Variants in FBLIM1 observed in about 807,000 individuals in gnomAD.
FBLIM1 encodes filamin-binding LIM protein 1.
In FBLIM1, 29 loss-of-function variants were observed where a neutral mutation model predicts 37.4. That is an observed-to-expected ratio of 0.77 (90% CI 0.58 to 1.06). The LOEUF (loss-of-function observed/expected upper bound fraction) is 1.06. FBLIM1 is among the 50% of genes least tolerant of loss of function. The pLI, the probability that FBLIM1 is intolerant of heterozygous loss-of-function variation, is 0.00. For missense variants in FBLIM1, 449 were observed against 505.6 expected (o/e 0.89, Z 1.07); for synonymous variants, 193 against 199.0 (o/e 0.97, Z 0.25).
At chr1:15,763,631 G>A (rs542049875) in intron 1 of FBLIM1, among the ~76,000 whole-genome samples, 49 of 151,436 alleles carry the variant, frequency 3.2e-4, no homozygotes, top group African/African-American at 1.1e-3. Flanking sequence ...GCAAGATTCC[G>A]TCTCAAAAAA....
Position 15,765,277 on chromosome 1 carries a change from A to G in FBLIM1, c.250+44A>G. 3 of 1,563,600 alleles carry G rather than the reference A, an allele frequency of 1.9e-6. No individual in the cohort carries two copies. Among genetic ancestry groups the G allele is most frequent in the Non-Finnish European group, 1.7e-6 (2 of 1,152,874 alleles). On this transcript the variant is annotated intron_variant, in intron 3 of 8. Transcript: ENST00000375766. The surrounding 1 kb of genome is among the most constrained non-coding windows in gnomAD (Gnocchi z 5.9). ...TTGGGGAAGACCACGTCAGAGGCAGAGGTGGGGAGGAAAGGGCAGGCTCCA... is the reference window on the plus strand; with the variant it reads ...TTGGGGAAGACCACGTCAGAGGCAGGGGTGGGGAGGAAAGGGCAGGCTCCA...
intron 1 of FBLIM1, among the ~76,000 whole-genome samples, chr1:15,762,553 G>A (rs939376244): frequency 6.6e-6 from 1 of 151,882 alleles, no homozygotes; most frequent in Non-Finnish European, 1.5e-5. Context: ...AAGCCTCCAC[G>A]CCAGGCCAAA....
rs968321509 is a variant in FBLIM1 at position 15,763,505 on chromosome 1, G to A, written c.-210-991G>A. Among the ~76,000 whole-genome samples the A allele has an allele frequency of 4.0e-5, 6 of 150,790 alleles. No individual in the cohort carries two copies. In the East Asian group the frequency reaches 1.1e-3, roughly 27 times the overall value. The stretch of plus-strand genomic sequence containing the variant: ...AACAAAATTAGCCGGGCGTGGTGGC[G>A]GGCACCTGTAGTCCCAGCTACTCGG... On this transcript the variant is annotated intron_variant, in intron 1 of 8. Coordinates refer to ENST00000375766, the MANE Select transcript of FBLIM1 (RefSeq NM_017556.4).
At chr1:15,777,366 C>A in intron 8 of FBLIM1, 79 bp downstream of exon 8, 2 of 1,025,998 alleles carry the variant, frequency 1.9e-6, no homozygotes, top group Non-Finnish European at 1.5e-6. Context: ...GACATGGGGA[C>A]AGGTCAGGGT....
At chr1:15,777,444 A>C (rs2069525441) in intron 8 of FBLIM1, among the ~76,000 whole-genome samples, 157 bp downstream of exon 8, 2 of 152,086 alleles carry the variant, frequency 1.3e-5, no homozygotes, top group African/African-American at 4.8e-5. Flanking sequence ...ATGCAACCAT[A>C]GTCTATTATC....
chr1:15,762,029 A>G (rs1178114851), intron 1 of FBLIM1, among the ~76,000 whole-genome samples: 1 of 152,012 alleles, frequency 6.6e-6, no homozygotes, highest in African/African-American at 2.4e-5. Flanking sequence ...GAGATGGGAA[A>G]TAATGTCCTT....
In FBLIM1 at chr1:15,785,747, G is replaced by A. The variant is rs188363971; in HGVS notation, c.*1086G>A. The A allele has an allele frequency of 5.2e-5, 8 of 152,394 alleles. No individual in the cohort carries two copies. Among genetic ancestry groups the A allele is most frequent in the Non-Finnish European group, 1.2e-4 (8 of 68,046 alleles). The allele number at this position is 152,394 out of a possible 1,614,324, so 9.4% of individuals were successfully genotyped here. A position where few individuals can be genotyped will look rare whatever the true frequency, so the allele number is the denominator to read the frequency against. Reference sequence around the variant, plus strand: ...CACCCCCTTGGTTCGCACATGTACAGGAATGGGACCCAGTTGGGGCACAGC... The same window carrying A: ...CACCCCCTTGGTTCGCACATGTACAAGAATGGGACCCAGTTGGGGCACAGC... On this transcript the variant is annotated 3_prime_UTR_variant, in exon 9 of 9. Coordinates refer to ENST00000375766, the MANE Select transcript of FBLIM1 (RefSeq NM_017556.4).
chr1:15,784,978 T>A lies in FBLIM1; in HGVS notation c.*317T>A. On this transcript the variant is annotated 3_prime_UTR_variant, in exon 9 of 9. Coordinates refer to ENST00000375766, the MANE Select transcript of FBLIM1 (RefSeq NM_017556.4). ...CTGACTAGCTGTCTGGTAGGGGTGC[T>A]AGGACCAGCCTCGCCTGTGGGGTTG... 1 of 257,922 alleles carries A rather than the reference T, an allele frequency of 3.9e-6. No individual in the cohort carries two copies. Among genetic ancestry groups the A allele is most frequent in the Non-Finnish European group, 7.5e-6 (1 of 133,108 alleles). 16.0% of individuals were successfully genotyped at this position (257,922 alleles called of 1,614,324 possible). A position where few individuals can be genotyped will look rare whatever the true frequency, so the allele number is the denominator to read the frequency against.
At chr1:15,768,910 C>T (rs748238267) in intron 5 of FBLIM1, among the ~76,000 whole-genome samples, 9 of 152,170 alleles carry the variant, frequency 5.9e-5, no homozygotes, top group Non-Finnish European at 1.3e-4. Flanking sequence ...ACCTAATGCC[C>T]TCACACAGTG....
chr1:15,774,828 G>A (rs72880708), intron 7 of FBLIM1, 32 bp downstream of exon 7: 3 of 1,613,988 alleles, frequency 1.9e-6, no homozygotes, highest in African/African-American at 1.3e-5. Flanking sequence ...TGGGTGGGGT[G>A]CAGGGACAGG....
At chr1:15,778,995 C>A (rs1329382092) in intron 8 of FBLIM1, among the ~76,000 whole-genome samples, 1 of 151,442 alleles carries the variant, frequency 6.6e-6, no homozygotes, top group African/African-American at 2.4e-5. Flanking sequence ...AGTGCAGTGG[C>A]ATGATCTTGG....
chr1:15,761,723 T>C (rs1157133075), intron 1 of FBLIM1, among the ~76,000 whole-genome samples: 2 of 152,196 alleles, frequency 1.3e-5, no homozygotes, highest in Admixed American at 1.3e-4. Flanking sequence ...TCAGAATAGA[T>C]ATTTTATTGT....
At chr1:15,764,868 CCTGT>C in intron 2 of FBLIM1, 92 bp from the exon 3 acceptor site, 11 of 1,415,774 alleles carry the variant, frequency 7.8e-6, no homozygotes, top group Non-Finnish European at 1.0e-5. Context: ...GGGTGGCTGG[CCTGT>C]CTTTTTGGGA....
chr1:15,773,308 G>A (rs1321070096), intron 6 of FBLIM1, among the ~76,000 whole-genome samples: 2 of 151,406 alleles, frequency 1.3e-5, no homozygotes, highest in Admixed American at 6.6e-5. Flanking sequence ...ACTTGAACCC[G>A]GGAGGCAGAG....
intron 8 of FBLIM1, among the ~76,000 whole-genome samples, chr1:15,781,453 C>T (rs2148656712): frequency 6.8e-6 from 1 of 147,710 alleles, no homozygotes; most frequent in Admixed American, 6.9e-5. Context: ...GCAGAGGTTG[C>T]AGTGAGCAGA....
At chr1:15,771,905 A>G (rs560852303) in intron 6 of FBLIM1, among the ~76,000 whole-genome samples, 1 of 151,356 alleles carries the variant, frequency 6.6e-6, no homozygotes, top group African/African-American at 2.4e-5. Flanking sequence ...TCTTGCCACT[A>G]TCTCCCCTAG....
At position 15,765,524 on chromosome 1, in the gene FBLIM1, A is replaced by T. The variant is rs1371245530; in HGVS notation, c.250+291A>T. ...GGGAAGGGCTGTCCTGTCACTGGTC[A>T]GCATGGCTGGCTGGCCGTTTCGTCT... On this transcript the variant is annotated intron_variant, in intron 3 of 8. Coordinates refer to ENST00000375766, the MANE Select transcript of FBLIM1 (RefSeq NM_017556.4). The surrounding 1 kb of genome is among the most constrained non-coding windows in gnomAD (Gnocchi z 5.9). Among the ~76,000 whole-genome samples, 4 of 152,002 alleles carry T rather than the reference A, an allele frequency of 2.6e-5. No homozygotes were observed. Among genetic ancestry groups the T allele is most frequent in the Non-Finnish European group, 4.4e-5 (3 of 67,996 alleles).
intron 6 of FBLIM1, among the ~76,000 whole-genome samples, chr1:15,773,596 C>T (rs1445964932): frequency 6.7e-6 from 1 of 148,876 alleles, no homozygotes; most frequent in Non-Finnish European, 1.5e-5. Flanking sequence ...AGGAGAATTG[C>T]TTTAACCCGG....
intron 6 of FBLIM1, 133 bp downstream of exon 6, chr1:15,770,711 C>A: frequency 8.7e-7 from 1 of 1,143,316 alleles, no homozygotes. Flanking sequence ...GAAACTGAGG[C>A]TCAGAAAGAA....
Sources: allele counts gnomAD v4.1 joint callset (sites outside exome capture counted in the v4.1 genomes callset), GRCh38; gene constraint gnomAD v4.1.1; non-coding constraint Gnocchi (gnomAD v3.1); transcripts MANE v1.5; gene names NCBI Gene and HGNC (gene_info 2026-07-23, HGNC 2026-07-21).